Variants in KANSL1L observed in about 807,000 individuals in gnomAD.
KANSL1L encodes the protein KAT8 regulatory NSL complex subunit 1-like protein.
KANSL1L carries 25 observed loss-of-function variants against 108.6 expected under a neutral mutation model. The observed-to-expected ratio is 0.23, with a 90% CI of 0.17 to 0.32. KANSL1L has a LOEUF of 0.32. KANSL1L is among the 10% of genes least tolerant of loss of function. The probability of loss-of-function intolerance (pLI) is 1.00; values close to 1 mark genes in which losing one functional copy is unlikely to be tolerated. For missense variants in KANSL1L, 1,137 were observed against 1,125.7 expected, an observed-to-expected ratio of 1.01 and a Z score of -0.14; for synonymous variants, 405 against 395.1, an observed-to-expected ratio of 1.03 and a Z score of -0.30.
chr2:210,164,775 T>C (rs1370049901), intron 1 of KANSL1L, among the ~76,000 whole-genome samples: 1 of 151,982 alleles, frequency 6.6e-6, no homozygotes, highest in African/African-American at 2.4e-5. Flanking sequence ...ATAATCTTGA[T>C]TCTGTCAATA....
intron 6 of KANSL1L, among the ~76,000 whole-genome samples, chr2:210,046,656 A>C (rs2094226474): frequency 6.6e-6 from 1 of 151,988 alleles, no homozygotes; most frequent in Admixed American, 6.6e-5. Context: ...TCCCATCTCC[A>C]CAGCTATTGG....
intron 3 of KANSL1L, among the ~76,000 whole-genome samples, chr2:210,125,207 T>C (rs969512672): frequency 3.3e-5 from 5 of 152,048 alleles, no homozygotes; most frequent in Non-Finnish European, 5.9e-5. Context: ...TGAGCCGAGA[T>C]TGCGCCACGG....
At chr2:210,119,379 A>G (rs2094991776) in intron 3 of KANSL1L, among the ~76,000 whole-genome samples, 2 of 152,142 alleles carry the variant, frequency 1.3e-5, no homozygotes, top group Non-Finnish European at 2.9e-5. Flanking sequence ...CCAAAACCAC[A>G]TTTTTAAAAA....
intron 6 of KANSL1L, among the ~76,000 whole-genome samples, chr2:210,055,107 G>A (rs2094336278): frequency 6.6e-6 from 1 of 152,178 alleles, no homozygotes; most frequent in African/African-American, 2.4e-5. Flanking sequence ...AATCATAGGG[G>A]TAGTTACCCC....
chr2:210,030,534 ACTGT>A (rs2094002858), intron 9 of KANSL1L, among the ~76,000 whole-genome samples: 2 of 128,702 alleles, frequency 1.6e-5, no homozygotes, highest in African/African-American at 2.9e-5. Flanking sequence ...GTTCCCAGTT[ACTGT>A]GTGTGTGTGT....
intron 5 of KANSL1L, among the ~76,000 whole-genome samples, chr2:210,078,942 T>C (rs1484178735): frequency 6.6e-6 from 1 of 152,188 alleles, no homozygotes; most frequent in East Asian, 1.9e-4. Flanking sequence ...GGTTTATCTC[T>C]TTTTAAAAAT....
chr2:210,024,156 T>C lies in KANSL1L; in HGVS notation c.2610A>G (p.Glu870=), dbSNP rs201762929. The stretch of plus-strand genomic sequence containing the variant: ...GACTGCTACTGAAGTTATTAGGGTA[T>C]TCTTTCAAAAGCAAGTCCTGTCCTT... ...NVEGQDLLLK[E]YPNNFSSSQQ... Residue 870 remains glutamate, a synonymous_variant, in exon 14 of 15, where the codon GAA becomes GAG. Transcript: ENST00000281772. The C allele has an allele frequency of 2.5e-6, 4 of 1,608,052 alleles. No homozygotes were observed. In the East Asian group the frequency reaches 6.8e-5, roughly 27 times the overall value.
At chr2:210,061,393 G>A (rs2094418468) in intron 6 of KANSL1L, among the ~76,000 whole-genome samples, 2 of 152,134 alleles carry the variant, frequency 1.3e-5, no homozygotes, top group Admixed American at 6.6e-5. Context: ...GACATCAATA[G>A]TATAGGGCCT....
intron 2 of KANSL1L, among the ~76,000 whole-genome samples, chr2:210,138,448 C>T (rs933511723): frequency 2.0e-5 from 3 of 152,018 alleles, no homozygotes; most frequent in East Asian, 1.9e-4. Context: ...AGCCTGCATA[C>T]ATACCCTGTA....
chr2:210,109,188 T>C (rs2094880890), intron 3 of KANSL1L, among the ~76,000 whole-genome samples: 2 of 152,152 alleles, frequency 1.3e-5, no homozygotes. Flanking sequence ...CTACTTAAAG[T>C]ATAATTTTTT....
intron 6 of KANSL1L, among the ~76,000 whole-genome samples, chr2:210,069,156 A>G (rs1197810020): frequency 2.0e-5 from 3 of 152,102 alleles, no homozygotes; most frequent in Non-Finnish European, 2.9e-5. Flanking sequence ...TAAAAGTTCT[A>G]TTTTCCACCT....
intron 5 of KANSL1L, among the ~76,000 whole-genome samples, chr2:210,085,021 G>A (rs576372840): frequency 2.4e-4 from 36 of 152,120 alleles, no homozygotes; most frequent in Non-Finnish European, 4.1e-4. Context: ...TCGGATACAG[G>A]TTTTAACAAA....
At chr2:210,130,498 C>T (rs955861817) in intron 2 of KANSL1L, among the ~76,000 whole-genome samples, 4 of 152,124 alleles carry the variant, frequency 2.6e-5, no homozygotes, top group African/African-American at 9.7e-5. Context: ...CAGGATTTTA[C>T]ATTATATCAA....
At chr2:210,036,539 C>T (rs2094105816) in intron 8 of KANSL1L, among the ~76,000 whole-genome samples, 1 of 152,046 alleles carries the variant, frequency 6.6e-6, no homozygotes, top group Non-Finnish European at 1.5e-5. Context: ...TTGTGTCTTC[C>T]TCCATTACAT....
chr2:210,126,549 C>A (rs916869942), intron 3 of KANSL1L, among the ~76,000 whole-genome samples: 1 of 152,076 alleles, frequency 6.6e-6, no homozygotes, highest in Non-Finnish European at 1.5e-5. Flanking sequence ...GCTCGGTGGC[C>A]CACACCTGTA....
intron 1 of KANSL1L, among the ~76,000 whole-genome samples, chr2:210,169,693 T>G (rs1688212361): frequency 6.6e-6 from 1 of 152,172 alleles, no homozygotes; most frequent in Non-Finnish European, 1.5e-5. Context: ...TCTATGTAGA[T>G]TAAAACCATG....
chr2:210,117,445 A>C (rs2094965095), intron 3 of KANSL1L, among the ~76,000 whole-genome samples: 1 of 152,198 alleles, frequency 6.6e-6, no homozygotes, highest in Non-Finnish European at 1.5e-5. Flanking sequence ...ACCTCAAGAC[A>C]TTTAATAATC....
At position 210,153,579 on chromosome 2, in the gene KANSL1L, A is replaced by G; in HGVS notation, c.1004T>C (p.Val335Ala). 1 of 1,614,158 alleles carries G rather than the reference A, an allele frequency of 6.2e-7. No homozygotes were observed. The highest frequency in any genetic ancestry group is 1.1e-5 in the South Asian group (1 of 91,082). The part of the protein sequence containing the change: ...AFSATGLLSH[V>A]EEGLDSDATD... Reference sequence around the variant, plus strand: ...TGCATCGGAATCCAAACCCTCTTCAACATGAGACAACAGCCCTGTAGCAGA... The same window carrying G: ...TGCATCGGAATCCAAACCCTCTTCAGCATGAGACAACAGCCCTGTAGCAGA... Residue 335 changes from valine to alanine, a missense_variant, in exon 2 of 15, where the codon GTT becomes GCT. Transcript: ENST00000281772.
chr2:210,154,113 A>G lies in KANSL1L; in HGVS notation c.470T>C (p.Ile157Thr), dbSNP rs1360799125. ...TTTATCTACATTAGTGTCTTTGGTTATATTTGAATCCAGAATAATTTGTAC... is the reference window on the plus strand; with the variant it reads ...TTTATCTACATTAGTGTCTTTGGTTGTATTTGAATCCAGAATAATTTGTAC... ...KDVQIILDSN[I>T]TKDTNVDKVQ... Residue 157 changes from isoleucine to threonine, a missense_variant, in exon 2 of 15, where the codon ATA (isoleucine) becomes ACA (threonine). Transcript: ENST00000281772. The G allele has an allele frequency of 3.1e-6, 5 of 1,613,906 alleles. No homozygotes were observed. Among genetic ancestry groups the G allele is most frequent in the South Asian group, 1.1e-5 (1 of 91,060 alleles).
Sources: gnomAD v4.1 joint callset for allele counts (sites outside exome capture counted in the v4.1 genomes callset) on GRCh38, gnomAD v4.1.1 for gene constraint, MANE v1.5 for transcripts, NCBI Gene and HGNC (gene_info 2026-07-23, HGNC 2026-07-21) for gene names.